SLC24A2: variants seen among roughly 807,000 people sequenced by gnomAD.
The protein encoded by SLC24A2 is solute carrier family 24 member 2.
A neutral mutation model predicts 62.0 loss-of-function variants in SLC24A2; 36 were observed. That is an observed-to-expected ratio of 0.58 (90% CI 0.44 to 0.77). The LOEUF (loss-of-function observed/expected upper bound fraction) is 0.77. Ranked by LOEUF, SLC24A2 falls within the 30% of genes least tolerant of loss-of-function variation. The pLI, the probability that SLC24A2 is intolerant of heterozygous loss-of-function variation, is 0.00. For synonymous variants in SLC24A2, 358 were observed against 294.0 expected (o/e 1.22, Z -2.23); for missense variants, 846 against 817.9 (o/e 1.03, Z -0.42).
the SLC24A2 span, among the ~76,000 whole-genome samples, chr9:19,888,282 T>C: frequency 1.1e-4 from 16 of 152,314 alleles, no homozygotes; most frequent in Admixed American, 8.5e-4. Flanking sequence ...CCTAAGTAGG[T>C]GCAAATGACT....
intron 2 of SLC24A2, among the ~76,000 whole-genome samples, chr9:19,646,833 C>G (rs760571538): frequency 7.2e-5 from 11 of 152,006 alleles, no homozygotes; most frequent in Non-Finnish European, 1.6e-4. Context: ...TCCCTCATCC[C>G]AAAACACATA....
chr9:19,774,805 T>A (rs1822796791), intron 2 of SLC24A2, among the ~76,000 whole-genome samples: 1 of 152,204 alleles, frequency 6.6e-6, no homozygotes, highest in Non-Finnish European at 1.5e-5. Flanking sequence ...AGCGATCCTC[T>A]TTAATTGGGT....
the SLC24A2 span, among the ~76,000 whole-genome samples, chr9:20,125,574 C>T: frequency 2.6e-4 from 40 of 152,176 alleles, 1 homozygote; most frequent in South Asian, 8.3e-3. Flanking sequence ...CCTTAGCTGC[C>T]CCAGCTGGTA....
At chr9:19,542,621 T>G (rs910412140) in intron 8 of SLC24A2, among the ~76,000 whole-genome samples, 3 of 152,212 alleles carry the variant, frequency 2.0e-5, no homozygotes, top group African/African-American at 4.8e-5. Flanking sequence ...CAGTGCCTAC[T>G]TTATTGAGAA....
chr9:19,622,158 G>C, intron 3 of SLC24A2, 103 bp downstream of exon 3: 2 of 902,514 alleles, frequency 2.2e-6, no homozygotes, highest in Non-Finnish European at 3.7e-6. Flanking sequence ...TATTCCAAGG[G>C]AGAGAGTAAT....
At chr9:19,588,186 T>C (rs1244432929) in intron 5 of SLC24A2, among the ~76,000 whole-genome samples, 4 of 151,276 alleles carry the variant, frequency 2.6e-5, no homozygotes, top group African/African-American at 7.3e-5. Context: ...TTCTTTTTTT[T>C]TTTTTTTTCT....
the SLC24A2 span, among the ~76,000 whole-genome samples, chr9:20,156,864 C>G: frequency 6.6e-6 from 1 of 151,526 alleles, no homozygotes; most frequent in Non-Finnish European, 1.5e-5. Flanking sequence ...AACATTTTTC[C>G]AAGTCAATAA....
At chr9:19,774,766 A>T (rs1266336344) in intron 2 of SLC24A2, among the ~76,000 whole-genome samples, 1 of 152,194 alleles carries the variant, frequency 6.6e-6, no homozygotes, top group African/African-American at 2.4e-5. Flanking sequence ...GTAGATGGGT[A>T]AAGAAGCCCT....
intron 2 of SLC24A2, among the ~76,000 whole-genome samples, chr9:19,635,625 G>C (rs558735971): frequency 2.0e-5 from 3 of 152,088 alleles, no homozygotes; most frequent in Non-Finnish European, 4.4e-5. Flanking sequence ...TGCTTATATT[G>C]ACATTTCTCT....
Position 19,516,024 on chromosome 9 carries a change from T to A in SLC24A2, c.*129A>T, listed in dbSNP as rs1212640866. 2.6e-6 allele frequency: 3 copies of A among 1,166,644 alleles called. No homozygotes were observed. The East Asian group carries it at 7.0e-5, about 27-fold the overall frequency. The allele number at this position is 1,166,644 out of a possible 1,614,324, so 72.3% of individuals were successfully genotyped here. A position where few individuals can be genotyped will look rare whatever the true frequency, so the allele number is the denominator to read the frequency against. ...CAGTGTGAATCCATCTCTCCTCAAATTCACCAAGGAGGGACACTTGGCACC... is the reference window on the plus strand; with the variant it reads ...CAGTGTGAATCCATCTCTCCTCAAAATCACCAAGGAGGGACACTTGGCACC... On this transcript the variant is annotated 3_prime_UTR_variant, in exon 11 of 11. Transcript: ENST00000341998.
At chr9:19,833,936 A>G in the SLC24A2 span, among the ~76,000 whole-genome samples, 1 of 152,202 alleles carries the variant, frequency 6.6e-6, no homozygotes, top group Admixed American at 6.5e-5. Flanking sequence ...GCTGTTCTGC[A>G]GCCACCACTG....
At chr9:20,225,713 T>C in the SLC24A2 span, among the ~76,000 whole-genome samples, 18 of 150,098 alleles carry the variant, frequency 1.2e-4, no homozygotes, top group Admixed American at 3.4e-4. Flanking sequence ...ATAAAAAATA[T>C]GTAAGTTGTA....
At chr9:19,745,989 A>G (rs1821820278) in intron 2 of SLC24A2, among the ~76,000 whole-genome samples, 1 of 152,124 alleles carries the variant, frequency 6.6e-6, no homozygotes, top group Non-Finnish European at 1.5e-5. Context: ...AGAGTCTAAT[A>G]CATTAGTTGA....
At chr9:19,723,662 T>C (rs1002058942) in intron 2 of SLC24A2, among the ~76,000 whole-genome samples, 1 of 152,140 alleles carries the variant, frequency 6.6e-6, no homozygotes, top group African/African-American at 2.4e-5. Context: ...GAATCAGATA[T>C]GGACATGTCA....
At chr9:19,851,741 T>C in the SLC24A2 span, among the ~76,000 whole-genome samples, 1 of 152,212 alleles carries the variant, frequency 6.6e-6, no homozygotes, top group African/African-American at 2.4e-5. Flanking sequence ...TGGTGGGCTT[T>C]GAGGTTGACT....
chr9:19,552,136 T>A (rs1242079425), intron 7 of SLC24A2, among the ~76,000 whole-genome samples: 2 of 152,236 alleles, frequency 1.3e-5, no homozygotes, highest in Non-Finnish European at 1.5e-5. Flanking sequence ...TCACATATTA[T>A]TCCATCCATT....
chr9:19,657,550 C>T (rs920920770), intron 2 of SLC24A2, among the ~76,000 whole-genome samples: 1 of 151,654 alleles, frequency 6.6e-6, no homozygotes, highest in Non-Finnish European at 1.5e-5. Context: ...CTCGTTCCCA[C>T]CCTCCCTGTG....
chr9:20,141,393 T>C, the SLC24A2 span, among the ~76,000 whole-genome samples: 1 of 152,044 alleles, frequency 6.6e-6, no homozygotes, highest in African/African-American at 2.4e-5. Flanking sequence ...TTGTTGTGGT[T>C]TTACCCTTAA....
chr9:20,100,166 T>G, the SLC24A2 span, among the ~76,000 whole-genome samples: 351 of 151,914 alleles, frequency 2.3e-3, 1 homozygote, highest in African/African-American at 8.1e-3. Flanking sequence ...CGCATGCCAC[T>G]TGGCTAACTT....
Sources: gnomAD v4.1 joint callset for allele counts (sites outside exome capture counted in the v4.1 genomes callset) on GRCh38, gnomAD v4.1.1 for gene constraint, MANE v1.5 for transcripts, NCBI Gene and HGNC (gene_info 2026-07-23, HGNC 2026-07-21) for gene names.